LRRC4C: variants seen among roughly 807,000 people sequenced by gnomAD.
LRRC4C encodes leucine rich repeat containing 4C, also known as leucine-rich repeat-containing protein 4C.
A neutral mutation model predicts 33.6 loss-of-function variants in LRRC4C; 5 were observed. The observed-to-expected ratio is 0.15, with a 90% CI of 0.08 to 0.31. LRRC4C has a LOEUF of 0.31. LRRC4C is among the 10% of genes least tolerant of loss of function. The pLI, the probability that LRRC4C is intolerant of heterozygous loss-of-function variation, is 1.00. For synonymous variants in LRRC4C, 329 were observed against 302.0 expected, an observed-to-expected ratio of 1.09 and a Z score of -0.93; for missense variants, 560 against 796.7, an observed-to-expected ratio of 0.70 and a Z score of 3.58.
chr11:41,114,831 C>T (rs187153961), intron 1 of LRRC4C, among the ~76,000 whole-genome samples: 1 of 152,082 alleles, frequency 6.6e-6, no homozygotes, highest in Admixed American at 6.6e-5. Context: ...TCTATAATTC[C>T]ACTGAATCAG....
intron 3 of LRRC4C, among the ~76,000 whole-genome samples, chr11:40,391,032 TCAC>T (rs1179862478): frequency 6.6e-6 from 1 of 151,880 alleles, no homozygotes; most frequent in Non-Finnish European, 1.5e-5. Flanking sequence ...CATGTGTGCA[TCAC>T]CACACCTGGC....
chr11:41,400,542 A>G (rs1252556000), intron 1 of LRRC4C, among the ~76,000 whole-genome samples: 2 of 150,868 alleles, frequency 1.3e-5, no homozygotes, highest in African/African-American at 4.9e-5. Context: ...GGAGAAGAAG[A>G]CTTCAGGGAA....
At chr11:40,986,147 C>A (rs1359444841) in intron 1 of LRRC4C, among the ~76,000 whole-genome samples, 3 of 151,886 alleles carry the variant, frequency 2.0e-5, no homozygotes, top group Admixed American at 6.6e-5. Context: ...AAAAATAAAG[C>A]CAAAGTGATA....
At chr11:40,417,736 C>T (rs999726823) in intron 3 of LRRC4C, among the ~76,000 whole-genome samples, 1 of 152,036 alleles carries the variant, frequency 6.6e-6, no homozygotes, top group African/African-American at 2.4e-5. Flanking sequence ...TTTTAACAAG[C>T]CTTTCTGAGA....
chr11:40,273,988 G>T (rs1160968652), intron 4 of LRRC4C, among the ~76,000 whole-genome samples: 1 of 151,980 alleles, frequency 6.6e-6, no homozygotes, highest in Non-Finnish European at 1.5e-5. Flanking sequence ...GTGGCTATAG[G>T]GCATTTGACA....
chr11:41,208,671 T>C (rs943167218), intron 1 of LRRC4C, among the ~76,000 whole-genome samples: 1 of 152,212 alleles, frequency 6.6e-6, no homozygotes, highest in Non-Finnish European at 1.5e-5. Context: ...GGCTACCTGA[T>C]TGGGAACATG....
chr11:40,593,485 C>T (rs191261072), intron 3 of LRRC4C, among the ~76,000 whole-genome samples: 302 of 152,236 alleles, frequency 2.0e-3, no homozygotes, highest in African/African-American at 6.8e-3. Flanking sequence ...TATACATATA[C>T]GTGCACAACA....
At chr11:40,547,918 C>T (rs1005380169) in intron 3 of LRRC4C, among the ~76,000 whole-genome samples, 1 of 152,072 alleles carries the variant, frequency 6.6e-6, no homozygotes, top group African/African-American at 2.4e-5. Context: ...AGACACTGTT[C>T]TAGTGATTGG....
chr11:41,436,808 T>C (rs1955444115), intron 1 of LRRC4C, among the ~76,000 whole-genome samples: 1 of 152,226 alleles, frequency 6.6e-6, no homozygotes, highest in Non-Finnish European at 1.5e-5. Flanking sequence ...AAAACTCTTC[T>C]CATCTTTCAA....
At chr11:40,804,831 A>G (rs1023717734) in intron 2 of LRRC4C, among the ~76,000 whole-genome samples, 2 of 152,208 alleles carry the variant, frequency 1.3e-5, no homozygotes, top group Non-Finnish European at 2.9e-5. Context: ...ACATTTCCAT[A>G]AATAATTAGT....
At chr11:41,281,100 TCTCTCACA>T (rs1199885665) in intron 1 of LRRC4C, among the ~76,000 whole-genome samples, 1 of 113,514 alleles carries the variant, frequency 8.8e-6, no homozygotes, top group African/African-American at 3.0e-5. Context: ...TCTCTCTCTC[TCTCTCACA>T]CACACACACA....
At chr11:40,797,315 A>T (rs979454138) in intron 2 of LRRC4C, among the ~76,000 whole-genome samples, 28 of 152,028 alleles carry the variant, frequency 1.8e-4, no homozygotes, top group Non-Finnish European at 2.9e-5. Context: ...TTGGTTTTTG[A>T]AAGGTTAGGT....
intron 3 of LRRC4C, among the ~76,000 whole-genome samples, chr11:40,390,383 A>G (rs778269076): frequency 2.1e-4 from 32 of 152,212 alleles, no homozygotes; most frequent in Admixed American, 6.5e-4. Flanking sequence ...CAAATTATTC[A>G]GAATATCTTA....
intron 1 of LRRC4C, among the ~76,000 whole-genome samples, chr11:41,266,135 T>C (rs1411838859): frequency 1.3e-5 from 2 of 152,110 alleles, no homozygotes; most frequent in East Asian, 3.9e-4. Context: ...TTCATATTAT[T>C]ATGAACTTAC....
intron 1 of LRRC4C, among the ~76,000 whole-genome samples, chr11:41,366,627 C>T (rs1246002957): frequency 6.6e-6 from 1 of 151,944 alleles, no homozygotes; most frequent in Non-Finnish European, 1.5e-5. Flanking sequence ...TTGTAAGCCC[C>T]AATATCTCAA....
chr11:40,675,704 C>T lies in LRRC4C; in HGVS notation c.-406-27426G>A, dbSNP rs12286631. Among the ~76,000 whole-genome samples the T allele has an allele frequency of 6.4e-3, 979 of 152,292 alleles. 14 individuals are homozygous for T. The highest frequency in any genetic ancestry group is 0.022 in the African/African-American group (926 of 41,544). On this transcript the variant is annotated intron_variant, in intron 2 of 6. Transcript: ENST00000528697. Reference sequence around the variant, plus strand: ...CTGGTGCATTGTAAGTGTATAAGAACTCAACAACTATTTACAGAATAACAT... The same window carrying T: ...CTGGTGCATTGTAAGTGTATAAGAATTCAACAACTATTTACAGAATAACAT...
chr11:41,302,768 T>C (rs1950321600), intron 1 of LRRC4C, among the ~76,000 whole-genome samples: 1 of 152,218 alleles, frequency 6.6e-6, no homozygotes, highest in Admixed American at 6.5e-5. Context: ...GATTCTAAGT[T>C]GTTCATAATT....
intron 1 of LRRC4C, among the ~76,000 whole-genome samples, chr11:41,405,143 C>G (rs1954181730): frequency 6.6e-6 from 1 of 152,000 alleles, no homozygotes; most frequent in Non-Finnish European, 1.5e-5. Flanking sequence ...ACAAAATAAA[C>G]TGATAATAGA....
At chr11:40,154,477 C>T (rs930203654) in intron 5 of LRRC4C, among the ~76,000 whole-genome samples, 2 of 152,082 alleles carry the variant, frequency 1.3e-5, no homozygotes, top group African/African-American at 4.8e-5. Context: ...ACTCACCTAA[C>T]ACATAAAGAC....
Sources: gnomAD v4.1 joint callset for allele counts (sites outside exome capture counted in the v4.1 genomes callset) on GRCh38, gnomAD v4.1.1 for gene constraint, MANE v1.5 for transcripts, NCBI Gene and HGNC (gene_info 2026-07-23, HGNC 2026-07-21) for gene names.